Variants in TEPSIN observed in about 807,000 individuals in gnomAD.
The protein encoded by TEPSIN is TEPSIN adaptor related protein complex 4 accessory protein.
TEPSIN carries 50 observed loss-of-function variants against 48.5 expected under a neutral mutation model. The ratio of observed to expected loss-of-function variants is 1.03; its 90% CI spans 0.82 to 1.31. The LOEUF is 1.31. Ranked by LOEUF, TEPSIN falls within the 50% of genes most tolerant of loss-of-function variation. The pLI is 0.00. For missense variants in TEPSIN, 838 were observed against 815.9 expected, an observed-to-expected ratio of 1.03 and a Z score of -0.33; for synonymous variants, 392 against 358.8, an observed-to-expected ratio of 1.09 and a Z score of -1.05.
chr17:81,229,247 GGGGGT>G lies in TEPSIN; in HGVS notation c.1458_1462del (p.Pro487ArgfsTer27). The stretch of plus-strand genomic sequence containing the variant: ...GGGGGCTGGAATGGGGGAGGCATCT[GGGGGT>G]GGGGTGGGCACAGGGCTGGACGGCA... On this transcript the variant is annotated frameshift_variant, in exon 13 of 13. Transcript: ENST00000637944. LOFTEE classifies it low-confidence loss of function (END_TRUNC). 1 of 1,582,422 alleles carries G rather than the reference GGGGGT, an allele frequency of 6.3e-7. No homozygotes were observed. Among genetic ancestry groups the G allele is most frequent in the African/African-American group, 1.4e-5 (1 of 73,978 alleles).
In TEPSIN at chr17:81,234,012, C is replaced by A; in HGVS notation, c.344G>T (p.Ser115Ile). 3.8e-6 allele frequency: 6 copies of A among 1,598,882 alleles called. No individual in the cohort carries two copies. The highest frequency in any genetic ancestry group is 5.1e-6 in the Non-Finnish European group (6 of 1,175,866). ...AGPPDPLHGNSLYQKVRAAAQ... is the reference protein window; with the variant it reads ...AGPPDPLHGNILYQKVRAAAQ... ...GGCCGCGCGAACCTTCTGGTACAAG[C>A]TGTTCCCGTGCAGAGGATCTGGGGG... Residue 115 changes from serine (S) to isoleucine (I), a missense_variant, in exon 5 of 13, where the codon AGC becomes ATC. By Grantham distance (142) the Ser-to-Ile change is moderately radical. Transcript: ENST00000637944. This position sits in a 1 kb window ranked among gnomAD's most constrained non-coding sequence, Gnocchi z 5.4.
intron 2 of TEPSIN, 107 bp downstream of exon 2, chr17:81,237,280 A>G (rs964634843): frequency 5.2e-6 from 7 of 1,338,310 alleles, no homozygotes; most frequent in Non-Finnish European, 7.3e-6. Context: ...ATAATAAAGG[A>G]GCCGTGCATC....
chr17:81,229,458 C>G lies in TEPSIN; in HGVS notation c.1252G>C (p.Ala418Pro). The G allele has an allele frequency of 6.5e-7, 1 of 1,549,236 alleles. No homozygotes were observed. Among genetic ancestry groups the G allele is most frequent in the Non-Finnish European group, 8.7e-7 (1 of 1,146,530 alleles). ...KATKILRHFE[A>P]SCGQLSPARG... Reference sequence around the variant, plus strand: ...GCAGGGGACAGCTGCCCACAGGAGGCCTCAAAGTGCCTCAGGATCTGAAAG... The same window carrying G: ...GCAGGGGACAGCTGCCCACAGGAGGGCTCAAAGTGCCTCAGGATCTGAAAG... The change falls in exon 13 of 13, where the codon GCC becomes CCC. Residue 418 changes from alanine to proline, a missense_variant. Transcript: ENST00000637944.
Position 81,230,418 on chromosome 17 carries a change from G to A in TEPSIN, c.1233+126C>T. ...CTGCTCCCTCTGCCAGCGGGACAGG[G>A]ACTTGAGAGGGGGTCCGGGAAGGGC... On this transcript the variant is annotated intron_variant, in intron 12 of 12. Transcript: ENST00000637944. This position sits in a 1 kb window ranked among gnomAD's most constrained non-coding sequence, Gnocchi z 4.2. 7.4e-7 allele frequency: 1 copy of A among 1,352,228 alleles called. No individual in the cohort carries two copies. Among genetic ancestry groups the A allele is most frequent in the Admixed American group, 2.1e-5 (1 of 46,850 alleles). 83.8% of individuals were successfully genotyped at this position (1,352,228 alleles called of 1,614,324 possible).
chr17:81,229,620 G>A (rs1469939868), intron 12 of TEPSIN, 144 bp from the exon 13 acceptor site: 2 of 871,712 alleles, frequency 2.3e-6, no homozygotes, highest in South Asian at 3.1e-5. Context: ...CTGCTGGGAG[G>A]GGCTGGGGCA....
rs1357875339 is a variant in TEPSIN at position 81,237,213 on chromosome 17, A to C, written c.122-142T>G. Reference sequence around the variant, plus strand: ...TGCCATCAGGAGCACCTGGGCTTCTAGGGTCCCCTGTGTCATCAGTATTGC... The same window carrying C: ...TGCCATCAGGAGCACCTGGGCTTCTCGGGTCCCCTGTGTCATCAGTATTGC... On this transcript the variant is annotated intron_variant, in intron 2 of 12. Transcript: ENST00000637944. 3 of 1,172,404 alleles carry C rather than the reference A, an allele frequency of 2.6e-6. No individual in the cohort carries two copies. In the African/African-American group the frequency reaches 4.6e-5, roughly 18 times the overall value. The allele number at this position is 1,172,404 out of a possible 1,614,324, so 72.6% of individuals were successfully genotyped here.
chr17:81,234,616 C>A lies in TEPSIN; in HGVS notation c.308-568G>T, dbSNP rs375889533. On this transcript the variant is annotated intron_variant, in intron 4 of 12. Coordinates refer to ENST00000637944, the MANE Select transcript of TEPSIN (RefSeq NM_001363764.2). This position sits in a 1 kb window ranked among gnomAD's most constrained non-coding sequence, Gnocchi z 5.4. ...GAGAGCTGTGCCTCTGAGAACCCCTCGAGAGCCTCTGTCACAGGCGAATCC... is the reference window on the plus strand; with the variant it reads ...GAGAGCTGTGCCTCTGAGAACCCCTAGAGAGCCTCTGTCACAGGCGAATCC... Among the ~76,000 whole-genome samples, 2 of 152,128 alleles carry A rather than the reference C, an allele frequency of 1.3e-5. No homozygotes were observed. Among genetic ancestry groups the A allele is most frequent in the Non-Finnish European group, 2.9e-5 (2 of 68,012 alleles).
At position 81,231,936 on chromosome 17, in the gene TEPSIN, G is replaced by C; in HGVS notation, c.816C>G (p.Ser272Arg). 1 of 1,613,402 alleles carries C rather than the reference G, an allele frequency of 6.2e-7. No individual in the cohort carries two copies. The highest frequency in any genetic ancestry group is 1.6e-4 in the Middle Eastern group (1 of 6,062). The change falls in exon 9 of 13, where the codon AGC becomes AGG. Residue 272 changes from serine (S) to arginine (R), a missense_variant. Physicochemically the swap from Ser to Arg is moderately radical, Grantham distance 110. Coordinates refer to ENST00000637944, the MANE Select transcript of TEPSIN (RefSeq NM_001363764.2). ...GPSSQNSSQN[S>R]DLSRVSDSGS... is the part of the protein sequence containing the mutation. The stretch of plus-strand genomic sequence containing the variant: ...CCGAGTCCGAGACCCTGCTCAGGTC[G>C]CTGTTCTGGGAGGAATTCTGAGAGC...
rs2062727199 is a variant in TEPSIN at position 81,236,736 on chromosome 17, G to A, written c.279C>T (p.Arg93=). 1 of 1,571,156 alleles carries A rather than the reference G, an allele frequency of 6.4e-7. No homozygotes were observed. The highest frequency in any genetic ancestry group is 8.6e-7 in the Non-Finnish European group (1 of 1,158,796). ...CAGCTTCCTGGATGAAGGCAGAGTT[G>A]CGTTTGAGGATGAGCAGGAAGAAGG... ...GSSFFLLILK[R]NSAFIQEAAA... is the part of the protein sequence containing the mutation. Residue 93 remains arginine (R), a synonymous_variant, in exon 4 of 13, where the codon CGC becomes CGT. Transcript: ENST00000637944.
intron 9 of TEPSIN, 56 bp downstream of exon 9, chr17:81,231,791 G>A (rs1272862204): frequency 1.9e-6 from 3 of 1,606,588 alleles, no homozygotes; most frequent in African/African-American, 2.7e-5. Context: ...GCGCTGGGAG[G>A]GGGACAGTGT....
Position 81,234,250 on chromosome 17 carries a change from C to A in TEPSIN, c.308-202G>T. 1 of 454,540 alleles carries A rather than the reference C, an allele frequency of 2.2e-6. No homozygotes were observed. The highest frequency in any genetic ancestry group is 4.6e-5 in the South Asian group (1 of 21,776). 28.2% of individuals were successfully genotyped at this position (454,540 alleles called of 1,614,324 possible). A position where few individuals can be genotyped will look rare whatever the true frequency, so the allele number is the denominator to read the frequency against. On this transcript the variant is annotated intron_variant, in intron 4 of 12. Transcript: ENST00000637944. The surrounding 1 kb of genome is among the most constrained non-coding windows in gnomAD (Gnocchi z 5.4). ...CCTCAGCTCCCCCTCACCCATGCCCCACAGAGGCGAGACTCTCTCCACAGC... is the reference window on the plus strand; with the variant it reads ...CCTCAGCTCCCCCTCACCCATGCCCAACAGAGGCGAGACTCTCTCCACAGC...
At chr17:81,231,714 C>G (rs774472950) in intron 9 of TEPSIN, 23 bp from the exon 10 acceptor site, 15 of 1,610,360 alleles carry the variant, frequency 9.3e-6, no homozygotes, top group Admixed American at 8.4e-5. Flanking sequence ...ATGGCCGGGT[C>G]AAGGGTGAGT....
At chr17:81,229,564 A>C (rs916509302) in intron 12 of TEPSIN, 88 bp from the exon 13 acceptor site, 23 of 1,415,700 alleles carry the variant, frequency 1.6e-5, no homozygotes, top group Middle Eastern at 1.9e-4. Flanking sequence ...GGACCTCCTC[A>C]GTCCCTCCAC....
In TEPSIN at chr17:81,228,950, G is replaced by C; in HGVS notation, c.1760C>G (p.Ala587Gly). The C allele has an allele frequency of 6.2e-7, 1 of 1,613,742 alleles. No individual in the cohort carries two copies. The highest frequency in any genetic ancestry group is 8.5e-7 in the Non-Finnish European group (1 of 1,180,030). ...AKEPPGSEPS[A>G]FAFLNA ...GGGTCAGGCGTTCAGGAACGCGAAA[G>C]CTGACGGCTCTGAGCCAGGAGGCTC... Residue 587 changes from alanine (A) to glycine (G), a missense_variant, in exon 13 of 13, where the codon GCT (alanine) becomes GGT (glycine). Physicochemically the swap from Ala to Gly is moderately conservative, Grantham distance 60. Transcript: ENST00000637944.
chr17:81,232,560 G>A (rs1407532569), intron 7 of TEPSIN, 42 bp from the exon 8 acceptor site: 1 of 1,498,538 alleles, frequency 6.7e-7, no homozygotes, highest in Non-Finnish European at 8.9e-7. Flanking sequence ...GCCCAGTGCG[G>A]CCCCCACCCG....
chr17:81,231,745 T>G (rs897462053), intron 9 of TEPSIN, 54 bp from the exon 10 acceptor site: 1 of 1,606,792 alleles, frequency 6.2e-7, no homozygotes, highest in African/African-American at 1.3e-5. Context: ...CCCCCACTCC[T>G]GTCTCGCATG....
chr17:81,236,776 C>T lies in TEPSIN; in HGVS notation c.239G>A (p.Cys80Tyr). ...CAGGAAGAAGGAGGAGCCGTGGCTGCACAGATAGAGCAGGATCTTCAGCAC... is the reference window on the plus strand; with the variant it reads ...CAGGAAGAAGGAGGAGCCGTGGCTGTACAGATAGAGCAGGATCTTCAGCAC... ...LKVLKILLYL[C>Y]SHGSSFFLLI... The change falls in exon 4 of 13, where the codon TGC becomes TAC. Residue 80 changes from cysteine to tyrosine, a missense_variant. Transcript: ENST00000637944. 1 of 1,570,984 alleles carries T rather than the reference C, an allele frequency of 6.4e-7. No individual in the cohort carries two copies. Among genetic ancestry groups the T allele is most frequent in the Non-Finnish European group, 8.6e-7 (1 of 1,158,750 alleles).
In TEPSIN at chr17:81,233,132, G is replaced by A; in HGVS notation, c.526+300C>T. 2.0e-6 allele frequency: 1 copy of A among 498,164 alleles called. No homozygotes were observed. The highest frequency in any genetic ancestry group is 3.6e-6 in the Non-Finnish European group (1 of 280,366). The allele number at this position is 498,164 out of a possible 1,614,324, so 30.9% of individuals were successfully genotyped here. On this transcript the variant is annotated intron_variant, in intron 7 of 12. Transcript: ENST00000637944. The surrounding 1 kb of genome is among the most constrained non-coding windows in gnomAD (Gnocchi z 5.8). ...CCTGAGTCACCTGCACCACAGCCAG[G>A]GGCACAGCCCTCGGCCCCTCTCAGA...
rs1263688093 is a variant in TEPSIN, at chr17:81,231,333, AC to A, written c.1098+64del. ...CAGGCACACGTGCACACACACGCAC[AC>A]GCACACACACGCACACAGGCACATG... On this transcript the variant is annotated intron_variant, in intron 11 of 12. Coordinates refer to ENST00000637944, the MANE Select transcript of TEPSIN (RefSeq NM_001363764.2). The A allele has an allele frequency of 1.3e-5, 18 of 1,369,738 alleles. No individual in the cohort carries two copies. The African/African-American group carries it at 4.0e-4, about 31-fold the overall frequency. 84.8% of individuals were successfully genotyped at this position (1,369,738 alleles called of 1,614,324 possible). A position where few individuals can be genotyped will look rare whatever the true frequency, so the allele number is the denominator to read the frequency against.
Sources: allele counts gnomAD v4.1 joint callset (sites outside exome capture counted in the v4.1 genomes callset), GRCh38; gene constraint gnomAD v4.1.1; non-coding constraint Gnocchi (gnomAD v3.1); transcripts MANE v1.5; gene names NCBI Gene and HGNC (gene_info 2026-07-23, HGNC 2026-07-21).